The following RRH variants were observed in gnomAD, a reference collection of about 807,000 sequenced individuals.
RRH encodes the protein retinal pigment epithelium-derived rhodopsin homolog, also known as visual pigment-like receptor peropsin.
In RRH, 36 loss-of-function variants were observed where a neutral mutation model predicts 33.1. The ratio of observed to expected loss-of-function variants is 1.09; its 90% confidence interval spans 0.83 to 1.44. The LOEUF (loss-of-function observed/expected upper bound fraction) is 1.44. Ranked by LOEUF, RRH falls within the 40% of genes most tolerant of loss-of-function variation. RRH has a pLI of 0.00. For missense variants in RRH, 393 were observed against 420.2 expected, an observed-to-expected ratio of 0.94 and a Z score of 0.57; for synonymous variants, 124 against 140.2, an observed-to-expected ratio of 0.88 and a Z score of 0.82.
chr4:109,831,425 A>G (rs1178382556), intron 1 of RRH, among the ~76,000 whole-genome samples: 1 of 152,204 alleles, frequency 6.6e-6, no homozygotes, highest in Non-Finnish European at 1.5e-5. Flanking sequence ...GTATTCAAAA[A>G]CCACAGAAAT....
At position 109,836,891 on chromosome 4, in the gene RRH, C is replaced by CAAAAAAAAAAAAAAA. The variant is rs56989659; in HGVS notation, c.552-540_552-526dup. On this transcript the variant is annotated intron_variant, in intron 4 of 6. Coordinates refer to ENST00000317735, the MANE Select transcript of RRH (RefSeq NM_006583.5). Reference sequence around the variant, plus strand: ...GCAACATATTGAGACCCTGTCTCTACAAAAAAAAAAAAAAAAAAAAGCAGA... The same window carrying CAAAAAAAAAAAAAAA: ...GCAACATATTGAGACCCTGTCTCTACAAAAAAAAAAAAAAAAAAAAAAAAAAAAAAAAAAAGCAGA... Among the ~76,000 whole-genome samples, 33 of 84,398 alleles carry CAAAAAAAAAAAAAAA rather than the reference C, an allele frequency of 3.9e-4. 1 individual carries two copies. The highest frequency in any genetic ancestry group is 2.4e-3 in the East Asian group (7 of 2,892). The allele number at this position is 84,398 out of a possible 152,430, so 55.4% of individuals were successfully genotyped here.
chr4:109,836,891 C>A (rs1013670775), intron 4 of RRH, among the ~76,000 whole-genome samples: 1,235 of 84,252 alleles, frequency 0.015, no homozygotes, highest in Middle Eastern at 0.026. Context: ...CCTGTCTCTA[C>A]AAAAAAAAAA....
chr4:109,841,358 A>G (rs1733977683), intron 5 of RRH, among the ~76,000 whole-genome samples: 1 of 152,120 alleles, frequency 6.6e-6, no homozygotes, highest in Non-Finnish European at 1.5e-5. Flanking sequence ...TCTTTTCAAT[A>G]CAGTACTGAA....
At chr4:109,830,206 T>G (rs1733719716) in intron 1 of RRH, among the ~76,000 whole-genome samples, 1 of 152,098 alleles carries the variant, frequency 6.6e-6, no homozygotes, top group South Asian at 2.1e-4. Flanking sequence ...GGATCTGAAA[T>G]AAATCATTAT....
At chr4:109,832,316 A>G (rs900071010) in intron 1 of RRH, among the ~76,000 whole-genome samples, 6 of 150,936 alleles carry the variant, frequency 4.0e-5, no homozygotes, top group Non-Finnish European at 7.4e-5. Context: ...AAGTTTAGTT[A>G]TCTGTCTACC....
At chr4:109,834,856 A>G (rs1270978336) in intron 2 of RRH, among the ~76,000 whole-genome samples, 2 of 152,178 alleles carry the variant, frequency 1.3e-5, no homozygotes, top group African/African-American at 2.4e-5. Context: ...CATTCTCCTT[A>G]ACATTTGGGA....
At chr4:109,835,757 C>G (rs1167710676) in intron 3 of RRH, among the ~76,000 whole-genome samples, 1 of 151,446 alleles carries the variant, frequency 6.6e-6, no homozygotes, top group Non-Finnish European at 1.5e-5. Context: ...CTGGCTGATT[C>G]TTTTCTCATT....
chr4:109,838,738 A>G (rs6814743), intron 5 of RRH, among the ~76,000 whole-genome samples: 119,156 of 152,182 alleles, frequency 0.78, 47,479 homozygotes, highest in Non-Finnish European at 0.86. Context: ...CAGCATTGCT[A>G]CTACAAAGGC....
At chr4:109,832,240 C>T (rs1487675531) in intron 1 of RRH, among the ~76,000 whole-genome samples, 1 of 147,716 alleles carries the variant, frequency 6.8e-6, no homozygotes, top group Admixed American at 6.8e-5. Flanking sequence ...GGATGTTGAA[C>T]ATGCACATCC....
At chr4:109,834,383 G>A (rs1733833351) in intron 2 of RRH, among the ~76,000 whole-genome samples, 1 of 147,588 alleles carries the variant, frequency 6.8e-6, no homozygotes, top group Non-Finnish European at 1.5e-5. Flanking sequence ...AGGCTGGAGT[G>A]CAGTGGCGTG....
chr4:109,830,355 T>C (rs1397959750), intron 1 of RRH, among the ~76,000 whole-genome samples: 1 of 152,152 alleles, frequency 6.6e-6, no homozygotes, highest in African/African-American at 2.4e-5. Flanking sequence ...ATTTGTGTTT[T>C]AGAAATGTGC....
At chr4:109,841,684 A>T (rs1428924967) in intron 5 of RRH, among the ~76,000 whole-genome samples, 1 of 151,966 alleles carries the variant, frequency 6.6e-6, no homozygotes, top group East Asian at 1.9e-4. Context: ...TTATTTATTT[A>T]CTTATTTATA....
chr4:109,835,608 A>T, intron 3 of RRH, 143 bp downstream of exon 3: 1 of 732,166 alleles, frequency 1.4e-6, no homozygotes, highest in East Asian at 2.7e-5. Context: ...CAAATGTTTC[A>T]ATGGCTTCTT....
chr4:109,838,412 A>G (rs1172730113), intron 5 of RRH, among the ~76,000 whole-genome samples: 2 of 152,066 alleles, frequency 1.3e-5, no homozygotes, highest in Non-Finnish European at 2.9e-5. Flanking sequence ...ACTGCTCAGA[A>G]AGCCAACATC....
chr4:109,842,794 T>G lies in RRH; in HGVS notation c.899+147T>G, dbSNP rs528369681. ...TGTGACTGGAGCAGCATCTAGGACCTTAAATGCTTAGAGCTCCAGATTTGT... is the reference window on the plus strand; with the variant it reads ...TGTGACTGGAGCAGCATCTAGGACCGTAAATGCTTAGAGCTCCAGATTTGT... On this transcript the variant is annotated intron_variant, in intron 6 of 6. Transcript: ENST00000317735. 4.3e-5 allele frequency: 31 copies of G among 725,300 alleles called. No homozygotes were observed. In the African/African-American group the frequency reaches 5.3e-4, roughly 12 times the overall value. The allele number at this position is 725,300 out of a possible 1,614,324, so 44.9% of individuals were successfully genotyped here. A position where few individuals can be genotyped will look rare whatever the true frequency, so the allele number is the denominator to read the frequency against.
intron 2 of RRH, among the ~76,000 whole-genome samples, chr4:109,833,930 A>G (rs1250958619): frequency 6.6e-6 from 1 of 152,200 alleles, no homozygotes; most frequent in Non-Finnish European, 1.5e-5. Flanking sequence ...GTAAGTACCA[A>G]CCAGTTTTGT....
intron 4 of RRH, 74 bp from the exon 5 acceptor site, chr4:109,837,363 A>T (rs1481498051): frequency 1.6e-6 from 2 of 1,251,318 alleles, no homozygotes; most frequent in African/African-American, 1.5e-5. Flanking sequence ...TGTTTTTAAT[A>T]ATTATCTCCT....
intron 2 of RRH, among the ~76,000 whole-genome samples, chr4:109,833,869 T>G (rs1303198768): frequency 6.6e-6 from 1 of 152,216 alleles, no homozygotes; most frequent in Non-Finnish European, 1.5e-5. Context: ...TATCATAACC[T>G]AAAAACTATA....
chr4:109,840,571 G>A (rs562990666), intron 5 of RRH, among the ~76,000 whole-genome samples: 173 of 151,942 alleles, frequency 1.1e-3, no homozygotes, highest in African/African-American at 3.9e-3. Context: ...GTATTGCCTG[G>A]GTTCTCTTCT....
Sources: gnomAD v4.1 joint callset for allele counts (sites outside exome capture counted in the v4.1 genomes callset) on GRCh38, gnomAD v4.1.1 for gene constraint, MANE v1.5 for transcripts, NCBI Gene and HGNC (gene_info 2026-07-23, HGNC 2026-07-21) for gene names.